The following SORCS1 variants were observed in gnomAD, a reference collection of about 807,000 sequenced individuals.
The protein encoded by SORCS1 is sortilin related VPS10 domain containing receptor 1, also known as VPS10 domain-containing receptor SorCS1.
In SORCS1, 60 loss-of-function variants were observed where a neutral mutation model predicts 146.1. The ratio of observed to expected loss-of-function variants is 0.41; its 90% CI spans 0.33 to 0.51. The LOEUF is 0.51. Ranked by LOEUF, SORCS1 falls within the 20% of genes least tolerant of loss-of-function variation. The pLI is 0.21. For missense variants in SORCS1, 1,352 were observed against 1,487.6 expected (o/e 0.91, Z 1.50); for synonymous variants, 637 against 584.0 (o/e 1.09, Z -1.31).
At chr10:106,601,880 G>T (rs1186406663) in intron 23 of SORCS1, among the ~76,000 whole-genome samples, 2 of 152,324 alleles carry the variant, frequency 1.3e-5, no homozygotes, top group East Asian at 3.9e-4. Context: ...CAGTCCTGAG[G>T]CTCTGCCCCA....
In SORCS1 at chr10:107,029,109, T is replaced by C. The variant is rs928296885; in HGVS notation, c.559-72529A>G. ...GGAAGATTACTATATAGTAAGCCCA[T>C]AGCATGTACAGATACTTTGCTAGAT... On this transcript the variant is annotated intron_variant, in intron 1 of 25. Transcript: ENST00000263054. 7.2e-5 allele frequency among the ~76,000 whole-genome samples: 11 copies of C among 152,230 alleles called. No homozygotes were observed. The South Asian group carries it at 1.9e-3, about 26-fold the overall frequency.
intron 1 of SORCS1, among the ~76,000 whole-genome samples, chr10:107,163,102 T>A (rs1167535575): frequency 6.6e-6 from 1 of 152,234 alleles, no homozygotes. Flanking sequence ...CCTTTCCTGA[T>A]AGGACCAAAG....
At chr10:106,787,413 T>C (rs1177268089) in intron 3 of SORCS1, among the ~76,000 whole-genome samples, 2 of 152,182 alleles carry the variant, frequency 1.3e-5, no homozygotes, top group African/African-American at 4.8e-5. Context: ...TAAAGAAAGT[T>C]CAATTTTTAT....
At chr10:106,975,032 G>A (rs563289585) in intron 1 of SORCS1, among the ~76,000 whole-genome samples, 2 of 152,086 alleles carry the variant, frequency 1.3e-5, no homozygotes, top group Non-Finnish European at 2.9e-5. Context: ...AATTCCTACC[G>A]CTTACAACAC....
intron 1 of SORCS1, among the ~76,000 whole-genome samples, chr10:106,986,896 T>C (rs1033119862): frequency 6.6e-6 from 1 of 152,210 alleles, no homozygotes; most frequent in Non-Finnish European, 1.5e-5. Context: ...CTTAAACATA[T>C]TTGCAATAGT....
At chr10:107,055,401 C>T (rs1960523100) in intron 1 of SORCS1, among the ~76,000 whole-genome samples, 2 of 152,144 alleles carry the variant, frequency 1.3e-5, no homozygotes, top group Admixed American at 1.3e-4. Flanking sequence ...AATACATGTC[C>T]AAAGTTTTCC....
At chr10:106,679,815 T>C (rs1852302494) in intron 10 of SORCS1, 81 bp from the exon 11 acceptor site, 1 of 1,102,814 alleles carries the variant, frequency 9.1e-7, no homozygotes, top group Non-Finnish European at 1.3e-6. Flanking sequence ...CATCCATCCA[T>C]CTAACCAACC....
rs1438243578 is a variant in SORCS1, at chr10:106,574,424, C to G, written c.*2996G>C. ...CAAACTCCTTGTGTGTTTGCACCTG[C>G]GATTAGCGAGTAGGTAGGCACTTAG... On this transcript the variant is annotated 3_prime_UTR_variant, in exon 26 of 26. Coordinates refer to ENST00000263054, the MANE Select transcript of SORCS1 (RefSeq NM_052918.5). 6.6e-6 allele frequency: 1 copy of G among 152,542 alleles called. No individual in the cohort carries two copies. The highest frequency in any genetic ancestry group is 1.5e-5 in the Non-Finnish European group (1 of 68,040). 9.4% of individuals were successfully genotyped at this position (152,542 alleles called of 1,614,324 possible).
chr10:107,002,440 G>T (rs1351535410), intron 1 of SORCS1, among the ~76,000 whole-genome samples: 3 of 152,146 alleles, frequency 2.0e-5, no homozygotes. Flanking sequence ...TTGAGAAACA[G>T]CCACTCTTTT....
At chr10:107,077,948 ATT>A (rs1314886016) in intron 1 of SORCS1, among the ~76,000 whole-genome samples, 2 of 152,190 alleles carry the variant, frequency 1.3e-5, no homozygotes, top group Non-Finnish European at 2.9e-5. Context: ...TTTTTCACTG[ATT>A]TTGCAATTCC....
chr10:106,634,080 G>A (rs999686354), intron 18 of SORCS1, among the ~76,000 whole-genome samples: 1 of 152,130 alleles, frequency 6.6e-6, no homozygotes, highest in East Asian at 1.9e-4. Flanking sequence ...AAGTACTAAG[G>A]GTGTATTAAT....
Position 106,688,270 on chromosome 10 carries a change from T to C in SORCS1, c.1482A>G (p.Thr494=), listed in dbSNP as rs1325491370. The change falls in exon 10 of 26, where the codon ACA becomes ACG. Residue 494 remains threonine, a synonymous_variant. Coordinates refer to ENST00000263054, the MANE Select transcript of SORCS1 (RefSeq NM_052918.5). ...AACGCCAGTCTCTGCCTTTGTTATA[T>C]GTGATGAAAGTCTTCACTTGGTTGT... ...KIDNQVKTFI[T]YNKGRDWRLL... 2.5e-6 allele frequency: 4 copies of C among 1,614,092 alleles called. No homozygotes were observed. The highest frequency in any genetic ancestry group is 2.2e-5 in the South Asian group (2 of 91,084).
chr10:106,612,391 C>T (rs145189559), intron 21 of SORCS1, among the ~76,000 whole-genome samples: 2,673 of 132,926 alleles, frequency 0.02, 38 homozygotes, highest in Middle Eastern at 0.03. Context: ...CTTTTCTCCC[C>T]CTCCCGCCCC....
chr10:107,096,451 A>G (rs1964548160), intron 1 of SORCS1, among the ~76,000 whole-genome samples: 1 of 152,238 alleles, frequency 6.6e-6, no homozygotes, highest in African/African-American at 2.4e-5. Flanking sequence ...TAGCTTTAGC[A>G]AAACAACTTA....
intron 6 of SORCS1, among the ~76,000 whole-genome samples, chr10:106,717,891 C>T (rs573901362): frequency 6.6e-6 from 1 of 152,320 alleles, no homozygotes; most frequent in South Asian, 2.1e-4. Flanking sequence ...TTACTCTGTG[C>T]TAGAAACTTT....
rs547415580 is a variant in SORCS1 at position 106,708,757 on chromosome 10, C to A, written c.1143+466G>T. Among the ~76,000 whole-genome samples the A allele has an allele frequency of 2.6e-3, 400 of 152,304 alleles. 2 individuals carry two copies. Among genetic ancestry groups the A allele is most frequent in the African/African-American group, 7.4e-3 (307 of 41,572 alleles). On this transcript the variant is annotated intron_variant, in intron 7 of 25. Transcript: ENST00000263054. ...CTCTGCCTCCCACTATCTCCAGCCA[C>A]CCCACAGCTTCCCTTCCCATTCCTG...
At chr10:107,042,257 G>A (rs557638977) in intron 1 of SORCS1, among the ~76,000 whole-genome samples, 43 of 152,258 alleles carry the variant, frequency 2.8e-4, no homozygotes, top group African/African-American at 1.0e-3. Context: ...GAATTATCCA[G>A]CAGCGCAACA....
intron 1 of SORCS1, among the ~76,000 whole-genome samples, chr10:107,010,446 G>A (rs1016074963): frequency 6.8e-5 from 8 of 117,652 alleles, no homozygotes; most frequent in East Asian, 2.5e-4. Context: ...TTTTGTTTCC[G>A]TAGTTTCTCT....
At chr10:106,640,781 G>A (rs1179173628) in intron 18 of SORCS1, among the ~76,000 whole-genome samples, 4 of 152,190 alleles carry the variant, frequency 2.6e-5, no homozygotes, top group Admixed American at 2.0e-4. Flanking sequence ...TCCAAGCACA[G>A]AGATGCCACC....
Sources: gnomAD v4.1 joint callset for allele counts (sites outside exome capture counted in the v4.1 genomes callset) on GRCh38, gnomAD v4.1.1 for gene constraint, MANE v1.5 for transcripts, NCBI Gene and HGNC (gene_info 2026-07-23, HGNC 2026-07-21) for gene names.